The following RAB38 variants were observed in gnomAD, a reference collection of about 807,000 sequenced individuals.
RAB38 encodes the protein ras-related protein Rab-38.
In RAB38, 15 loss-of-function variants were observed where a neutral mutation model predicts 18.4. The observed-to-expected ratio is 0.82, with a 90% confidence interval of 0.55 to 1.26. The LOEUF (loss-of-function observed/expected upper bound fraction) is 1.26. Among genes scored for constraint, RAB38 ranks in the 50% most tolerant of loss-of-function variants. RAB38 has a pLI of 0.00. For synonymous variants in RAB38, 101 were observed against 104.4 expected, an observed-to-expected ratio of 0.97 and a Z score of 0.20; for missense variants, 294 against 267.4, an observed-to-expected ratio of 1.10 and a Z score of -0.69.
downstream of RAB38, among the ~76,000 whole-genome samples, chr11:88,110,444 C>T (rs1196949022): frequency 6.6e-6 from 1 of 152,052 alleles, no homozygotes; most frequent in Non-Finnish European, 1.5e-5. Context: ...ATGGGTGCAG[C>T]AAACCACCAT....
the RAB38 span, among the ~76,000 whole-genome samples, chr11:87,932,114 TA>T: frequency 6.6e-6 from 1 of 151,724 alleles, no homozygotes; most frequent in Non-Finnish European, 1.5e-5. Context: ...GGAGATTAGC[TA>T]AATAAGAGAT....
At chr11:88,056,016 T>A in the RAB38 span, among the ~76,000 whole-genome samples, 1 of 142,812 alleles carries the variant, frequency 7.0e-6, no homozygotes, top group Non-Finnish European at 1.5e-5. Context: ...ATTTTTTTCT[T>A]TCGTGTGTGT....
At chr11:87,891,873 A>G in the RAB38 span, among the ~76,000 whole-genome samples, 1 of 151,758 alleles carries the variant, frequency 6.6e-6, no homozygotes, top group African/African-American at 2.4e-5. Context: ...ACAATAATGC[A>G]TTTAGTTTCT....
the RAB38 span, among the ~76,000 whole-genome samples, chr11:87,853,469 G>GCC: frequency 6.6e-6 from 1 of 152,166 alleles, no homozygotes; most frequent in African/African-American, 2.4e-5. Context: ...ATGTGCTGGC[G>GCC]CCTTGGTCTT....
chr11:88,012,779 A>T, the RAB38 span, among the ~76,000 whole-genome samples: 1 of 152,180 alleles, frequency 6.6e-6, no homozygotes, highest in African/African-American at 2.4e-5. Flanking sequence ...TCCTTCCTCA[A>T]TGTCCCAGTG....
the RAB38 span, among the ~76,000 whole-genome samples, chr11:87,827,408 A>T: frequency 6.6e-6 from 1 of 152,030 alleles, no homozygotes; most frequent in Non-Finnish European, 1.5e-5. Flanking sequence ...TACTCTATGA[A>T]CAATAAGAAT....
the RAB38 span, among the ~76,000 whole-genome samples, chr11:88,032,410 C>A: frequency 1.3e-4 from 20 of 152,230 alleles, 1 homozygote; most frequent in South Asian, 4.1e-4. Context: ...AGCTTCTGCA[C>A]AGCAAAATAA....
At position 88,137,771 on chromosome 11, in the gene RAB38, G is replaced by T. The variant is rs1322302640; in HGVS notation, c.483+11904C>A. Among the ~76,000 whole-genome samples, 6 of 152,242 alleles carry T rather than the reference G, an allele frequency of 3.9e-5. No individual in the cohort carries two copies. In the East Asian group the frequency reaches 9.7e-4, roughly 25 times the overall value. On this transcript the variant is annotated intron_variant, in intron 2 of 2. Coordinates refer to ENST00000243662, the MANE Select transcript of RAB38 (RefSeq NM_022337.3). Reference sequence around the variant, plus strand: ...GGATTGTGGACTTTCAGATTACCAGGGGTAAAGAGATGATTCTAAAAACTA... The same window carrying T: ...GGATTGTGGACTTTCAGATTACCAGTGGTAAAGAGATGATTCTAAAAACTA...
the RAB38 span, chr11:87,817,120 C>G: frequency 1.1e-4 from 17 of 152,222 alleles, no homozygotes; most frequent in African/African-American, 3.6e-4. Context: ...TCCAACTGTT[C>G]AAATCAGGAG....
At chr11:88,037,378 G>C in the RAB38 span, among the ~76,000 whole-genome samples, 1 of 151,908 alleles carries the variant, frequency 6.6e-6, no homozygotes, top group Non-Finnish European at 1.5e-5. Flanking sequence ...TCATTTGGTA[G>C]TTTTACCCAA....
intron 1 of RAB38, among the ~76,000 whole-genome samples, chr11:88,159,254 T>C (rs1397570342): frequency 7.0e-6 from 1 of 143,766 alleles, no homozygotes; most frequent in Non-Finnish European, 1.5e-5. Flanking sequence ...ATAAAATACC[T>C]AGGAATACAT....
intron 1 of RAB38, among the ~76,000 whole-genome samples, chr11:88,168,219 G>C (rs1351807146): frequency 6.6e-6 from 1 of 152,096 alleles, no homozygotes; most frequent in Admixed American, 6.6e-5. Flanking sequence ...AATTACTGTG[G>C]TATTTAAATT....
At chr11:88,114,254 C>T in intron 2 of RAB38, 114 bp from the exon 3 acceptor site, 2 of 1,076,280 alleles carry the variant, frequency 1.9e-6, no homozygotes, top group South Asian at 1.5e-5. Flanking sequence ...GCTACATATG[C>T]ATCCCCCTCC....
the RAB38 span, among the ~76,000 whole-genome samples, chr11:87,829,893 C>A: frequency 6.6e-6 from 1 of 152,014 alleles, no homozygotes; most frequent in South Asian, 2.1e-4. Flanking sequence ...CTTCATGAAG[C>A]AAAATTACCT....
At chr11:87,835,784 A>G in the RAB38 span, among the ~76,000 whole-genome samples, 1 of 152,138 alleles carries the variant, frequency 6.6e-6, no homozygotes, top group South Asian at 2.1e-4. Flanking sequence ...TTAGACTTCC[A>G]TTTTCTACAA....
At chr11:87,843,837 AGGGTTCT>A in the RAB38 span, among the ~76,000 whole-genome samples, 3 of 152,204 alleles carry the variant, frequency 2.0e-5, no homozygotes, top group Admixed American at 6.5e-5. Flanking sequence ...AATCTATTAT[AGGGTTCT>A]GGGTAATGTA....
the RAB38 span, among the ~76,000 whole-genome samples, chr11:88,062,618 C>T: frequency 1.3e-5 from 2 of 152,196 alleles, no homozygotes; most frequent in African/African-American, 4.8e-5. Flanking sequence ...GTGATAAGCA[C>T]AGTAGCTGCT....
the RAB38 span, among the ~76,000 whole-genome samples, chr11:88,035,515 GC>G: frequency 3.3e-5 from 5 of 152,280 alleles, no homozygotes; most frequent in East Asian, 9.7e-4. Context: ...TAGGCCATCT[GC>G]CAGCTGAAGA....
chr11:88,008,820 C>T, the RAB38 span, among the ~76,000 whole-genome samples: 1 of 152,282 alleles, frequency 6.6e-6, no homozygotes, highest in African/African-American at 2.4e-5. Flanking sequence ...ACTACAGGCA[C>T]CTGCCACCAC....
Sources: gnomAD v4.1 joint callset for allele counts (sites outside exome capture counted in the v4.1 genomes callset) on GRCh38, gnomAD v4.1.1 for gene constraint, MANE v1.5 for transcripts, NCBI Gene and HGNC (gene_info 2026-07-23, HGNC 2026-07-21) for gene names.